The following AGTPBP1 variants were observed in gnomAD, a reference collection of about 807,000 sequenced individuals.
The protein encoded by AGTPBP1 is cytosolic carboxypeptidase 1.
Under a neutral mutation model 143.9 loss-of-function variants are expected in AGTPBP1, and 70 were observed. The ratio of observed to expected loss-of-function variants is 0.49; its 90% CI spans 0.40 to 0.59. AGTPBP1 has a LOEUF of 0.59. Ranked by LOEUF, AGTPBP1 falls within the 20% of genes least tolerant of loss-of-function variation. The pLI is 0.00. For missense variants in AGTPBP1, 1,229 were observed against 1,464.5 expected (o/e 0.84, Z 2.62); for synonymous variants, 463 against 500.2 (o/e 0.93, Z 0.99).
At chr9:85,794,239 T>C in the AGTPBP1 span, among the ~76,000 whole-genome samples, 1 of 152,184 alleles carries the variant, frequency 6.6e-6, no homozygotes, top group Non-Finnish European at 1.5e-5. Flanking sequence ...TATCTGAACA[T>C]GGAAATCACA....
chr9:85,769,035 T>C, the AGTPBP1 span, among the ~76,000 whole-genome samples: 3 of 138,348 alleles, frequency 2.2e-5, no homozygotes, highest in African/African-American at 8.3e-5. Context: ...GATGACAAAG[T>C]GAGTGAGGCC....
chr9:85,716,532 G>A (rs1183601189), intron 1 of AGTPBP1, among the ~76,000 whole-genome samples: 1 of 152,154 alleles, frequency 6.6e-6, no homozygotes, highest in African/African-American at 2.4e-5. Flanking sequence ...TATGCCTCCA[G>A]TTGCTCAATT....
At chr9:85,729,936 T>C (rs776197395) in intron 1 of AGTPBP1, among the ~76,000 whole-genome samples, 5 of 152,134 alleles carry the variant, frequency 3.3e-5, no homozygotes, top group African/African-American at 4.8e-5. Flanking sequence ...GTTGGGGCAG[T>C]CACTAGCAGG....
intron 25 of AGTPBP1, among the ~76,000 whole-genome samples, chr9:85,566,721 T>C (rs1299380506): frequency 1.3e-5 from 2 of 152,134 alleles, no homozygotes; most frequent in African/African-American, 4.8e-5. Context: ...AGTCAGGTCA[T>C]GGGTGTGCCG....
chr9:85,606,653 C>A (rs1830007437), intron 17 of AGTPBP1, among the ~76,000 whole-genome samples: 1 of 152,030 alleles, frequency 6.6e-6, no homozygotes, highest in Non-Finnish European at 1.5e-5. Context: ...ATGAATCAAC[C>A]TCAGCATCCA....
intron 1 of AGTPBP1, among the ~76,000 whole-genome samples, chr9:85,731,726 A>C (rs1838892719): frequency 6.6e-6 from 1 of 152,184 alleles, no homozygotes. Context: ...CTGAGATTAC[A>C]GGCATGAGCC....
intron 6 of AGTPBP1, among the ~76,000 whole-genome samples, chr9:85,676,823 C>T (rs540259870): frequency 1.5e-4 from 23 of 152,122 alleles, no homozygotes; most frequent in Non-Finnish European, 2.4e-4. Context: ...AAAGAAAATG[C>T]GGTTTATTTA....
the AGTPBP1 span, chr9:85,770,624 T>C: frequency 1.7e-6 from 1 of 573,524 alleles, no homozygotes. Flanking sequence ...TTGAGCATGA[T>C]TTCTCTTTAT....
In AGTPBP1 at chr9:85,626,591, C is replaced by T. The variant is rs554594364; in HGVS notation, c.2016-5306G>A. 2.3e-4 allele frequency among the ~76,000 whole-genome samples: 35 copies of T among 152,258 alleles called. 1 individual carries two copies. Among genetic ancestry groups the T allele is most frequent in the Middle Eastern group, 3.4e-3 (1 of 294 alleles). Reference sequence around the variant, plus strand: ...TTTTTAAAATAAGCACTTCTGAGTACTTTGGAAATACCTTTAACCTGAACT... The same window carrying T: ...TTTTTAAAATAAGCACTTCTGAGTATTTTGGAAATACCTTTAACCTGAACT... On this transcript the variant is annotated intron_variant, in intron 14 of 25. Coordinates refer to ENST00000357081, the MANE Select transcript of AGTPBP1 (RefSeq NM_001330701.2).
chr9:85,610,403 T>C (rs543850247), intron 17 of AGTPBP1, among the ~76,000 whole-genome samples: 11 of 152,292 alleles, frequency 7.2e-5, no homozygotes, highest in South Asian at 2.1e-4. Flanking sequence ...CTCTTTACAA[T>C]TGAAAATACA....
At position 85,578,980 on chromosome 9, in the gene AGTPBP1, T is replaced by A. The variant is rs750100862; in HGVS notation, c.3282A>T (p.Gly1094=). Residue 1094 remains glycine, a synonymous_variant, in exon 24 of 26, where the codon GGA becomes GGT. Coordinates refer to ENST00000357081, the MANE Select transcript of AGTPBP1 (RefSeq NM_001330701.2). Reference sequence around the variant, plus strand: ...TCTCCATGGTATAACTTCTTTGTACTCCTATTTCCCTCCAAACTACAACAC... The same window carrying A: ...TCTCCATGGTATAACTTCTTTGTACACCTATTTCCCTCCAAACTACAACAC... ...TARVVVWREI[G]VQRSYTMEST... 1.2e-5 allele frequency: 20 copies of A among 1,613,438 alleles called. No individual in the cohort carries two copies. Among genetic ancestry groups the A allele is most frequent in the Non-Finnish European group, 1.6e-5 (19 of 1,179,782 alleles).
At chr9:85,692,951 C>G in intron 2 of AGTPBP1, 138 bp from the exon 3 acceptor site, 1 of 915,890 alleles carries the variant, frequency 1.1e-6, no homozygotes, top group Admixed American at 2.8e-5. Context: ...TTACTCTGTT[C>G]TATAGCTTAA....
the AGTPBP1 span, among the ~76,000 whole-genome samples, chr9:85,787,484 G>T: frequency 6.6e-6 from 1 of 152,072 alleles, no homozygotes; most frequent in African/African-American, 2.4e-5. Context: ...AACCTCCTTA[G>T]TCAGGCTTTG....
chr9:85,747,020 AT>A (rs374764497), upstream of AGTPBP1, among the ~76,000 whole-genome samples: 1,188 of 149,920 alleles, frequency 7.9e-3, 17 homozygotes, highest in African/African-American at 0.028. Flanking sequence ...CACCTGGCTA[AT>A]TTTTTTTTTC....
intron 17 of AGTPBP1, 139 bp downstream of exon 17, chr9:85,618,844 A>C: frequency 1.1e-6 from 1 of 910,682 alleles, no homozygotes; most frequent in Middle Eastern, 3.4e-4. Context: ...CAAATGTTGC[A>C]TAATATCTGA....
intron 24 of AGTPBP1, among the ~76,000 whole-genome samples, chr9:85,576,099 C>T (rs1002207168): frequency 1.3e-5 from 2 of 152,078 alleles, no homozygotes; most frequent in South Asian, 2.1e-4. Context: ...CTTAACCTCC[C>T]TATCTTTTTT....
the AGTPBP1 span, among the ~76,000 whole-genome samples, chr9:85,755,595 A>G: frequency 6.6e-6 from 1 of 152,084 alleles, no homozygotes; most frequent in Non-Finnish European, 1.5e-5. Context: ...TCATTCATTT[A>G]ACATTTTATT....
At chr9:85,733,187 A>G (rs184297062) in intron 1 of AGTPBP1, among the ~76,000 whole-genome samples, 197 of 152,306 alleles carry the variant, frequency 1.3e-3, no homozygotes, top group African/African-American at 4.6e-3. Context: ...ATTCCTCTCA[A>G]GTGCACACAG....
At chr9:85,701,231 T>C (rs967544596) in intron 2 of AGTPBP1, among the ~76,000 whole-genome samples, 2 of 150,226 alleles carry the variant, frequency 1.3e-5, no homozygotes, top group East Asian at 4.0e-4. Context: ...TTATTTTTAT[T>C]TTTTAATTTT....
Sources: allele counts gnomAD v4.1 joint callset (sites outside exome capture counted in the v4.1 genomes callset), GRCh38; gene constraint gnomAD v4.1.1; transcripts MANE v1.5; gene names NCBI Gene and HGNC (gene_info 2026-07-23, HGNC 2026-07-21).